The following ATP13A3 variants were observed in gnomAD, a reference collection of about 807,000 sequenced individuals.
ATP13A3 encodes ATPase 13A3.
ATP13A3 carries 59 observed loss-of-function variants against 158.1 expected under a neutral mutation model. The observed-to-expected ratio is 0.37, with a 90% CI of 0.30 to 0.46. The LOEUF is 0.46. Among genes scored for constraint, ATP13A3 ranks in the 20% least tolerant of loss-of-function variants. The probability of loss-of-function intolerance (pLI) is 1.00; values close to 1 mark genes in which losing one functional copy is unlikely to be tolerated. For synonymous variants in ATP13A3, 491 were observed against 504.3 expected (o/e 0.97, Z 0.35); for missense variants, 1,166 against 1,525.2 (o/e 0.76, Z 3.92).
chr3:194,470,580 TAA>T (rs576175561), intron 2 of ATP13A3, among the ~76,000 whole-genome samples: 10 of 151,406 alleles, frequency 6.6e-5, no homozygotes, highest in African/African-American at 2.2e-4. Flanking sequence ...TCTCTCTTTA[TAA>T]AAAAAAATGT....
chr3:194,466,032 A>T (rs1467985389), intron 2 of ATP13A3, among the ~76,000 whole-genome samples: 2 of 152,150 alleles, frequency 1.3e-5, no homozygotes, highest in Non-Finnish European at 2.9e-5. Context: ...CAAAGTCATC[A>T]AAGTGGAAAA....
intron 31 of ATP13A3, among the ~76,000 whole-genome samples, chr3:194,418,038 G>GGAAT (rs1246820223): frequency 6.6e-6 from 1 of 150,924 alleles, no homozygotes; most frequent in Admixed American, 6.6e-5. Context: ...AAGGAAAGAA[G>GGAAT]GAATGAAGGA....
chr3:194,443,226 T>C (rs979348590), intron 15 of ATP13A3, among the ~76,000 whole-genome samples: 1 of 152,068 alleles, frequency 6.6e-6, no homozygotes, highest in African/African-American at 2.4e-5. Flanking sequence ...GGGAGGAGAA[T>C]AACCAAAAGT....
intron 2 of ATP13A3, among the ~76,000 whole-genome samples, chr3:194,479,544 T>C (rs1239372874): frequency 2.0e-5 from 3 of 151,582 alleles, no homozygotes; most frequent in African/African-American, 7.3e-5. Context: ...GATCTAGAGA[T>C]GAATGAAAAA....
At position 194,417,954 on chromosome 3, in the gene ATP13A3, C is replaced by CGGAAGGAAGGAAGGAA. The variant is rs1491273681; in HGVS notation, c.3402+1924_3402+1925insTTCCTTCCTTCCTTCC. On this transcript the variant is annotated intron_variant, in intron 31 of 33. Coordinates refer to ENST00000645319, the MANE Select transcript of ATP13A3 (RefSeq NM_001367549.1). ...GCAGCGTGGGTGACAGACAGACGGA[C>CGGAAGGAAGGAAGGAA]GGACGGAAGGAAGGAAGGAAGGAAG... Among the ~76,000 whole-genome samples the CGGAAGGAAGGAAGGAA allele has an allele frequency of 4.4e-3, 342 of 77,862 alleles. 4 individuals carry two copies. Among genetic ancestry groups the CGGAAGGAAGGAAGGAA allele is most frequent in the African/African-American group, 0.023 (327 of 14,306 alleles). The allele number at this position is 77,862 out of a possible 152,430, so 51.1% of individuals were successfully genotyped here.
chr3:194,456,346 C>T (rs890114816), intron 7 of ATP13A3, among the ~76,000 whole-genome samples: 2 of 151,226 alleles, frequency 1.3e-5, no homozygotes, highest in African/African-American at 4.9e-5. Context: ...TTTAATATTG[C>T]ACTAACAGTG....
chr3:194,414,677 G>A (rs1271534744), intron 31 of ATP13A3, among the ~76,000 whole-genome samples: 2 of 152,104 alleles, frequency 1.3e-5, no homozygotes, highest in East Asian at 3.8e-4. Flanking sequence ...GGCTGGCTAC[G>A]GAAAGAGGAA....
rs1291327264 is a variant in ATP13A3 at position 194,430,990 on chromosome 3, C to T, written c.2577G>A (p.Met859Ile). The T allele has an allele frequency of 3.1e-6, 5 of 1,613,652 alleles. No homozygotes were observed. The highest frequency in any genetic ancestry group is 1.7e-5 in the Admixed American group (1 of 59,986). Residue 859 changes from methionine to isoleucine, a missense_variant, in exon 24 of 34, where the codon ATG (methionine) becomes ATA (isoleucine). By Grantham distance (10) the Met-to-Ile change is conservative. Coordinates refer to ENST00000645319, the MANE Select transcript of ATP13A3 (RefSeq NM_001367549.1). ...TCAACTGTGTCTTCTGATCAGGTGC[C>T]ATACGGGCAAACACGGTGCCATGCA... ...LMLHGTVFARMAPDQKTQLIE... is the reference protein window; with the variant it reads ...LMLHGTVFARIAPDQKTQLIE...
In ATP13A3 at chr3:194,447,078, A is replaced by G. The variant is rs1718456569; in HGVS notation, c.1346T>C (p.Ile449Thr). Reference protein sequence around the residue: ...VGVIIIESLDIITITVPPALP... With the variant: ...VGVIIIESLDTITITVPPALP... Reference sequence around the variant, plus strand: ...TGCAGGGGGCACAGTAATTGTGATAATATCAAGAGACTCGATAATTATGAC... The same window carrying G: ...TGCAGGGGGCACAGTAATTGTGATAGTATCAAGAGACTCGATAATTATGAC... Residue 449 changes from isoleucine (I) to threonine (T), a missense_variant, in exon 14 of 34, where the codon ATT becomes ACT. Coordinates refer to ENST00000645319, the MANE Select transcript of ATP13A3 (RefSeq NM_001367549.1). The G allele has an allele frequency of 6.2e-7, 1 of 1,610,396 alleles. No individual in the cohort carries two copies. Among genetic ancestry groups the G allele is most frequent in the Non-Finnish European group, 8.5e-7 (1 of 1,179,194 alleles).
rs1718582358 is a variant in ATP13A3, at chr3:194,448,748, C to T, written c.971-112G>A. ...AAATTGTTAAATATTTTAAATGCTA[C>T]CATACTGTTTACAATAATCACTGAG... On this transcript the variant is annotated intron_variant, in intron 11 of 33. Transcript: ENST00000645319. This position sits in a 1 kb window ranked among gnomAD's most constrained non-coding sequence, Gnocchi z 4.0. 3.6e-6 allele frequency: 4 copies of T among 1,102,076 alleles called. No individual in the cohort carries two copies. In the South Asian group the frequency reaches 5.1e-5, roughly 14 times the overall value. The allele number at this position is 1,102,076 out of a possible 1,614,324, so 68.3% of individuals were successfully genotyped here. A position where few individuals can be genotyped will look rare whatever the true frequency, so the allele number is the denominator to read the frequency against.
At chr3:194,467,154 T>C (rs975872227) in intron 2 of ATP13A3, among the ~76,000 whole-genome samples, 11 of 152,254 alleles carry the variant, frequency 7.2e-5, no homozygotes, top group Non-Finnish European at 1.2e-4. Context: ...TGAATAAGCA[T>C]GTTTTATAAC....
rs1213409167 is a variant in ATP13A3 at position 194,447,964 on chromosome 3, G to C, written c.1196C>G (p.Pro399Arg). Reference protein sequence around the residue: ...KGQLVRSILYPKPTDFKLYRD... With the variant: ...KGQLVRSILYRKPTDFKLYRD... ...GTAGAGTTTAAAATCAGTTGGTTTG[G>C]GATACAATATGGAACGAACAAGCTG... The change falls in exon 13 of 34, where the codon CCC becomes CGC. Residue 399 changes from proline to arginine, a missense_variant. By Grantham distance (103) the Pro-to-Arg change is moderately radical. Coordinates refer to ENST00000645319, the MANE Select transcript of ATP13A3 (RefSeq NM_001367549.1). 2 of 1,610,694 alleles carry C rather than the reference G, an allele frequency of 1.2e-6. No individual in the cohort carries two copies. Among genetic ancestry groups the C allele is most frequent in the African/African-American group, 2.7e-5 (2 of 74,712 alleles).
intron 2 of ATP13A3, among the ~76,000 whole-genome samples, chr3:194,466,673 G>A (rs923484823): frequency 6.6e-6 from 1 of 152,078 alleles, no homozygotes; most frequent in African/African-American, 2.4e-5. Flanking sequence ...GTTGATAATA[G>A]AAAAGGTTTT....
At chr3:194,463,322 C>T (rs1719787470) in intron 2 of ATP13A3, among the ~76,000 whole-genome samples, 1 of 145,698 alleles carries the variant, frequency 6.9e-6, no homozygotes, top group Admixed American at 7.0e-5. Flanking sequence ...AAATATTAAA[C>T]ATTCAGCTAC....
chr3:194,470,240 A>G, intron 2 of ATP13A3, among the ~76,000 whole-genome samples: 1 of 152,170 alleles, frequency 6.6e-6, no homozygotes, highest in East Asian at 1.9e-4. Flanking sequence ...ACACCAAACC[A>G]AGACTGTATT....
chr3:194,462,450 T>G (rs1162511213), intron 2 of ATP13A3, among the ~76,000 whole-genome samples: 1 of 152,142 alleles, frequency 6.6e-6, no homozygotes, highest in Non-Finnish European at 1.5e-5. Flanking sequence ...AGGCATTAGA[T>G]TCTCATAGGA....
At chr3:194,433,584 G>C (rs549505848) in intron 21 of ATP13A3, among the ~76,000 whole-genome samples, 188 bp downstream of exon 21, 1 of 152,240 alleles carries the variant, frequency 6.6e-6, no homozygotes, top group South Asian at 2.1e-4. Context: ...AATAGGATTC[G>C]CTAGACCTCA....
rs1052295990 is a variant in ATP13A3, at chr3:194,457,077, A to G, written c.560+17T>C. The G allele has an allele frequency of 6.3e-7, 1 of 1,591,780 alleles. No homozygotes were observed. The highest frequency in any genetic ancestry group is 8.6e-7 in the Non-Finnish European group (1 of 1,161,576). ...AGGAATTTTGAGAAGATCTAACTTT[A>G]GTTGGATAAAAATTACCTGTAGGCA... On this transcript the variant is annotated intron_variant, in intron 7 of 33. Coordinates refer to ENST00000645319, the MANE Select transcript of ATP13A3 (RefSeq NM_001367549.1).
At chr3:194,432,824 AAAAC>A (rs943597322) in intron 21 of ATP13A3, among the ~76,000 whole-genome samples, 9 of 152,180 alleles carry the variant, frequency 5.9e-5, no homozygotes, top group African/African-American at 1.9e-4. Flanking sequence ...CTAAGAAAAA[AAAAC>A]AAAAAACAGA....
Sources: allele counts gnomAD v4.1 joint callset (sites outside exome capture counted in the v4.1 genomes callset), GRCh38; gene constraint gnomAD v4.1.1; non-coding constraint Gnocchi (gnomAD v3.1); transcripts MANE v1.5; gene names NCBI Gene and HGNC (gene_info 2026-07-23, HGNC 2026-07-21).